CNTN3: variants seen among roughly 807,000 people sequenced by gnomAD.
CNTN3 encodes contactin 3.
In CNTN3, 60 loss-of-function variants were observed where a neutral mutation model predicts 119.1. The observed-to-expected ratio is 0.50, with a 90% CI of 0.41 to 0.62. The LOEUF (loss-of-function observed/expected upper bound fraction) is 0.62, where lower values mean the gene tolerates loss of function less well. Among genes scored for constraint, CNTN3 ranks in the 20% least tolerant of loss-of-function variants. The probability of loss-of-function intolerance (pLI) is 0.00; values close to 1 mark genes in which losing one functional copy is unlikely to be tolerated. For missense variants in CNTN3, 1,101 were observed against 1,242.4 expected (o/e 0.89, Z 1.71); for synonymous variants, 450 against 438.7 (o/e 1.03, Z -0.32).
Position 74,563,947 on chromosome 3 carries a change from T to C in CNTN3, c.-80-42755A>G, listed in dbSNP as rs1299879888. Among the ~76,000 whole-genome samples, 3 of 152,184 alleles carry C rather than the reference T, an allele frequency of 2.0e-5. No homozygotes were observed. The South Asian group carries it at 6.2e-4, about 31-fold the overall frequency. ...ATTGCTCTTGGGCTATTTGTTTATC[T>C]ATTCATTCATTCAACAAAGATTTAC... On this transcript the variant is annotated intron_variant, in intron 1 of 22. Transcript: ENST00000263665.
intron 1 of CNTN3, among the ~76,000 whole-genome samples, chr3:74,554,419 T>C (rs1299919670): frequency 1.3e-5 from 2 of 152,192 alleles, no homozygotes; most frequent in Non-Finnish European, 2.9e-5. Flanking sequence ...TGGTTTCATA[T>C]GAAGTTTAAA....
At position 74,469,297 on chromosome 3, in the gene CNTN3, G is replaced by A. The variant is rs115482214; in HGVS notation, c.358+17159C>T. The stretch of plus-strand genomic sequence containing the variant: ...GCCACTGATGTGATTAGTAGAGTAT[G>A]TCATTTTAACCCCGCTAGAAGACTC... On this transcript the variant is annotated intron_variant, in intron 4 of 22. Coordinates refer to ENST00000263665, the MANE Select transcript of CNTN3 (RefSeq NM_020872.3). 2.5e-3 allele frequency among the ~76,000 whole-genome samples: 382 copies of A among 152,168 alleles called. 2 individuals are homozygous for A. Among genetic ancestry groups the A allele is most frequent in the African/African-American group, 8.8e-3 (367 of 41,526 alleles).
intron 1 of CNTN3, among the ~76,000 whole-genome samples, chr3:74,544,866 G>A (rs536867894): frequency 5.7e-4 from 87 of 152,228 alleles, no homozygotes; most frequent in African/African-American, 2.0e-3. Flanking sequence ...CCAAAGTGCT[G>A]GGATTACAGG....
chr3:74,369,208 T>A lies in CNTN3; in HGVS notation c.927A>T (p.Arg309Ser). ...AENSRGKNVARGRLTYYAKPH... is the reference protein window; with the variant it reads ...AENSRGKNVASGRLTYYAKPH... ...GCTCACCATAGTAAGTGAGACGCCCTCTGGCAACATTTTTTCCTCGTGAAT... is the reference window on the plus strand; with the variant it reads ...GCTCACCATAGTAAGTGAGACGCCCACTGGCAACATTTTTTCCTCGTGAAT... The change falls in exon 8 of 23, where the codon AGA (arginine) becomes AGT (serine). Residue 309 changes from arginine to serine, a missense_variant. Transcript: ENST00000263665. 1 of 1,604,278 alleles carries A rather than the reference T, an allele frequency of 6.2e-7. No individual in the cohort carries two copies. Among genetic ancestry groups the A allele is most frequent in the Non-Finnish European group, 8.5e-7 (1 of 1,175,600 alleles).
At chr3:74,321,765 CTA>C (rs1270237354) in intron 13 of CNTN3, among the ~76,000 whole-genome samples, 1 of 152,132 alleles carries the variant, frequency 6.6e-6, no homozygotes, top group Admixed American at 6.6e-5. Flanking sequence ...ATGAACAATG[CTA>C]TGTCTACAAA....
intron 20 of CNTN3, among the ~76,000 whole-genome samples, chr3:74,268,857 G>A (rs1205816907): frequency 2.0e-5 from 3 of 152,042 alleles, no homozygotes; most frequent in Non-Finnish European, 1.5e-5. Flanking sequence ...AGCATGGTTT[G>A]TTCTAACAAA....
At chr3:74,578,772 C>A (rs80278774) in intron 1 of CNTN3, among the ~76,000 whole-genome samples, 7,109 of 152,068 alleles carry the variant, frequency 0.047, 357 homozygotes, top group African/African-American at 0.12. Context: ...CTCAAAAGGA[C>A]TCTAGTGATG....
Position 74,267,287 on chromosome 3 carries a change from C to G in CNTN3, c.2796G>C (p.Glu932Asp), listed in dbSNP as rs1701679160. The change falls in exon 21 of 23, where the codon GAG (glutamate) becomes GAC (aspartate). Residue 932 changes from glutamate (E) to aspartate (D), a missense_variant. By Grantham distance (45) the Glu-to-Asp change is conservative. Coordinates refer to ENST00000263665, the MANE Select transcript of CNTN3 (RefSeq NM_020872.3). ...NWEQVKAMENESEVTGYKVFY... is the reference protein window; with the variant it reads ...NWEQVKAMENDSEVTGYKVFY... ...TTACTTTATATCCTGTTACTTCTGA[C>G]TCATTCTCCATGGCTTTAACTTGCT... 6.2e-7 allele frequency: 1 copy of G among 1,611,758 alleles called. No homozygotes were observed. The highest frequency in any genetic ancestry group is 8.5e-7 in the Non-Finnish European group (1 of 1,178,044).
At chr3:74,595,139 C>T (rs192973485) in intron 1 of CNTN3, among the ~76,000 whole-genome samples, 19 of 149,024 alleles carry the variant, frequency 1.3e-4, no homozygotes, top group South Asian at 2.1e-4. Flanking sequence ...CTTTTTGATG[C>T]GGCTGTTTTT....
chr3:74,349,917 G>C (rs535457941), intron 11 of CNTN3, among the ~76,000 whole-genome samples: 2 of 152,256 alleles, frequency 1.3e-5, no homozygotes, highest in African/African-American at 4.8e-5. Context: ...CAACGAACTG[G>C]CTTGAAGTAG....
intron 4 of CNTN3, among the ~76,000 whole-genome samples, chr3:74,455,589 T>C (rs1013372401): frequency 1.3e-5 from 2 of 152,070 alleles, no homozygotes; most frequent in African/African-American, 4.8e-5. Context: ...CTTTTTAGAG[T>C]TTCCAGTTTT....
intron 5 of CNTN3, among the ~76,000 whole-genome samples, chr3:74,386,423 G>T (rs1411451299): frequency 6.6e-6 from 1 of 152,118 alleles, no homozygotes; most frequent in Non-Finnish European, 1.5e-5. Flanking sequence ...TTCGAGACCA[G>T]CCTGGGCAAC....
rs776799349 is a variant in CNTN3, at chr3:74,371,358, C to T, written c.496G>A (p.Val166Ile). 3.1e-6 allele frequency: 5 copies of T among 1,613,418 alleles called. No individual in the cohort carries two copies. The highest frequency in any genetic ancestry group is 1.7e-6 in the Non-Finnish European group (2 of 1,179,584). The part of the protein sequence containing the change: ...AWIFNEYPSF[V>I]EEDSRRFVSQ... ...ACAAATCTCCGACTATCTTCTTCAA[C>T]AAACGATGGGTATTCATTGAAGATC... Residue 166 changes from valine to isoleucine, a missense_variant, in exon 6 of 23, where the codon GTT (valine) becomes ATT (isoleucine). Coordinates refer to ENST00000263665, the MANE Select transcript of CNTN3 (RefSeq NM_020872.3).
At chr3:74,343,944 A>G (rs854698) in intron 11 of CNTN3, among the ~76,000 whole-genome samples, 12,926 of 152,230 alleles carry the variant, frequency 0.085, 1,596 homozygotes, top group African/African-American at 0.27. Flanking sequence ...ATTTACAACA[A>G]AAAGACCAAA....
chr3:74,364,730 T>G, intron 9 of CNTN3, 134 bp from the exon 10 acceptor site: 3 of 644,410 alleles, frequency 4.7e-6, no homozygotes, highest in Non-Finnish European at 7.6e-6. Flanking sequence ...GCCTGAAATT[T>G]AACCTTTTCC....
chr3:74,384,171 C>T (rs970334367), intron 5 of CNTN3, among the ~76,000 whole-genome samples: 2 of 152,282 alleles, frequency 1.3e-5, no homozygotes, highest in East Asian at 3.9e-4. Context: ...AAAAAAGAAA[C>T]AACTATAATA....
At chr3:74,350,231 G>A (rs540018495) in intron 11 of CNTN3, among the ~76,000 whole-genome samples, 1 of 152,148 alleles carries the variant, frequency 6.6e-6, no homozygotes, top group African/African-American at 2.4e-5. Flanking sequence ...TTTCAGCCCA[G>A]ACTTATTACT....
intron 11 of CNTN3, among the ~76,000 whole-genome samples, chr3:74,358,150 T>C (rs932320943): frequency 2.6e-5 from 4 of 152,198 alleles, no homozygotes; most frequent in Non-Finnish European, 4.4e-5. Context: ...TGTTTTTTGC[T>C]GTCCAAAAAG....
intron 1 of CNTN3, among the ~76,000 whole-genome samples, chr3:74,566,156 T>C (rs1049236517): frequency 6.6e-6 from 1 of 152,116 alleles, no homozygotes; most frequent in African/African-American, 2.4e-5. Flanking sequence ...AACAGACTAA[T>C]ACAGTTGTCC....
Sources: allele counts gnomAD v4.1 joint callset (sites outside exome capture counted in the v4.1 genomes callset), GRCh38; gene constraint gnomAD v4.1.1; transcripts MANE v1.5; gene names NCBI Gene and HGNC (gene_info 2026-07-23, HGNC 2026-07-21).